The following PSMC3IP variants were observed in gnomAD, a reference collection of about 807,000 sequenced individuals.
PSMC3IP encodes the protein homologous-pairing protein 2 homolog.
In PSMC3IP, 26 loss-of-function variants were observed where a neutral mutation model predicts 34.9. The ratio of observed to expected loss-of-function variants is 0.74; its 90% CI spans 0.55 to 1.03. The LOEUF (loss-of-function observed/expected upper bound fraction) is 1.03. Ranked by LOEUF, PSMC3IP falls within the 50% of genes least tolerant of loss-of-function variation. The pLI, the probability that PSMC3IP is intolerant of heterozygous loss-of-function variation, is 0.00. For synonymous variants in PSMC3IP, 87 were observed against 96.5 expected, an observed-to-expected ratio of 0.90 and a Z score of 0.57; for missense variants, 250 against 263.1, an observed-to-expected ratio of 0.95 and a Z score of 0.34.
intron 4 of PSMC3IP, 182 bp from the exon 5 acceptor site, chr17:42,573,805 G>C: frequency 6.6e-7 from 1 of 1,525,678 alleles, no homozygotes. Context: ...AGTGGCGTGG[G>C]TGTGAGGTTG....
At chr17:42,576,211 C>T (rs878291) in intron 3 of PSMC3IP, among the ~76,000 whole-genome samples, 79,581 of 151,994 alleles carry the variant, frequency 0.52, 20,938 homozygotes, top group South Asian at 0.64. Context: ...GTAAAACACA[C>T]CAGAATTATC....
Position 42,573,099 on chromosome 17 carries a change from C to T in PSMC3IP, c.597+8G>A. 1 of 1,614,212 alleles carries T rather than the reference C, an allele frequency of 6.2e-7. No individual in the cohort carries two copies. Among genetic ancestry groups the T allele is most frequent in the Non-Finnish European group, 8.5e-7 (1 of 1,180,012 alleles). On this transcript the variant is annotated splice_region_variant and intron_variant, in intron 7 of 7. Coordinates refer to ENST00000393795, the MANE Select transcript of PSMC3IP (RefSeq NM_016556.4). ...AGGGAAGCAAAGAAGGAAGAGAGCT[C>T]CACTTACAAAGAACTGCTTCTTGCT...
intron 3 of PSMC3IP, 134 bp downstream of exon 3, chr17:42,577,079 C>T (rs1408785249): frequency 2.6e-6 from 4 of 1,544,436 alleles, no homozygotes; most frequent in Admixed American, 2.0e-5. Flanking sequence ...GGAGTACACA[C>T]CTTGATTTAA....
rs1490667501 is a variant in PSMC3IP, at chr17:42,573,096, G to A, written c.597+11C>T. ...CACAGGGAAGCAAAGAAGGAAGAGA[G>A]CTCCACTTACAAAGAACTGCTTCTT... On this transcript the variant is annotated intron_variant, in intron 7 of 7. Transcript: ENST00000393795. 2.5e-6 allele frequency: 4 copies of A among 1,614,094 alleles called. No homozygotes were observed. The highest frequency in any genetic ancestry group is 2.2e-5 in the East Asian group (1 of 44,900).
At chr17:42,575,296 G>A (rs947247609) in intron 3 of PSMC3IP, among the ~76,000 whole-genome samples, 3 of 152,178 alleles carry the variant, frequency 2.0e-5, no homozygotes, top group Non-Finnish European at 4.4e-5. Flanking sequence ...CCTGCCAGAT[G>A]CATGTTTTTG....
chr17:42,575,201 G>A (rs964876327), intron 3 of PSMC3IP, among the ~76,000 whole-genome samples: 1 of 152,184 alleles, frequency 6.6e-6, no homozygotes, highest in Non-Finnish European at 1.5e-5. Context: ...GAAAAAGTAT[G>A]CCAGCCAGTG....
At chr17:42,577,752 GGC>G, upstream of PSMC3IP, 1 of 1,593,644 alleles carries the variant, frequency 6.3e-7, no homozygotes, top group East Asian at 2.2e-5. Context: ...GGCTCCTTCC[GGC>G]GACGGGGGCG....
At chr17:42,574,030 T>C (rs1229312276) in intron 4 of PSMC3IP, 69 bp downstream of exon 4, 4 of 1,594,962 alleles carry the variant, frequency 2.5e-6, no homozygotes, top group Admixed American at 3.5e-5. Flanking sequence ...GAACCATTCA[T>C]TTAGTAATTC....
chr17:42,573,620 A>G lies in PSMC3IP; in HGVS notation c.341T>C (p.Leu114Pro), dbSNP rs1174111115. ...QQSCRYMEAE[L>P]KELSSALTTP... ...GGTCAGGGCACTAGATAATTCCTTGAGCTCTGAAACCACATCCGCCTGGGG... is the reference window on the plus strand; with the variant it reads ...GGTCAGGGCACTAGATAATTCCTTGGGCTCTGAAACCACATCCGCCTGGGG... The change falls in exon 5 of 8, where the codon CTC (leucine) becomes CCC (proline). Residue 114 changes from leucine (L) to proline (P), a missense_variant. By Grantham distance (98) the Leu-to-Pro change is moderately conservative. Transcript: ENST00000393795. 6.2e-7 allele frequency: 1 copy of G among 1,614,032 alleles called. No individual in the cohort carries two copies. The highest frequency in any genetic ancestry group is 1.1e-5 in the South Asian group (1 of 91,084).
intron 3 of PSMC3IP, among the ~76,000 whole-genome samples, chr17:42,575,853 CAA>C (rs971478774): frequency 1.0e-3 from 104 of 100,416 alleles, no homozygotes; most frequent in Non-Finnish European, 2.8e-4. Flanking sequence ...CTAAAAATAC[CAA>C]AAAAAAAAAA....
rs762489859 is a variant in PSMC3IP, at chr17:42,573,339, C to G, written c.509G>C (p.Cys170Ser). Residue 170 changes from cysteine (C) to serine (S), a missense_variant, in exon 6 of 8, where the codon TGT becomes TCT. Cys to Ser is a moderately radical substitution (Grantham distance 112). Transcript: ENST00000393795. ...EQVYRERQKY[C>S]KEWRKRKRMA... ...CCTCTTCCTCTTCCTCCACTCCTTA[C>G]AGTACTTCTGCCTCTCTCTGTACAC... 2 of 1,614,158 alleles carry G rather than the reference C, an allele frequency of 1.2e-6. No individual in the cohort carries two copies. The highest frequency in any genetic ancestry group is 1.1e-5 in the South Asian group (1 of 91,084).
intron 4 of PSMC3IP, chr17:42,573,868 G>A (rs995593345): frequency 8.5e-6 from 13 of 1,531,812 alleles, no homozygotes; most frequent in Non-Finnish European, 1.1e-5. Flanking sequence ...GGGAAACGTG[G>A]GGACAGTGTA....
At chr17:42,575,862 A>G (rs1034338863) in intron 3 of PSMC3IP, among the ~76,000 whole-genome samples, 12 of 151,442 alleles carry the variant, frequency 7.9e-5, no homozygotes, top group Admixed American at 5.9e-4. Flanking sequence ...CCAAAAAAAA[A>G]AAAAAAAAAA....
In PSMC3IP at chr17:42,576,347, G is replaced by T. The variant is rs2093075525; in HGVS notation, c.225+866C>A. Among the ~76,000 whole-genome samples, 3 of 152,332 alleles carry T rather than the reference G, an allele frequency of 2.0e-5. No homozygotes were observed. In the East Asian group the frequency reaches 5.8e-4, roughly 29 times the overall value. The stretch of plus-strand genomic sequence containing the variant: ...CATTGAAGAGTTTTAAATAGGGAAG[G>T]TGCATGACCAGATCTATTTAGACAG... On this transcript the variant is annotated intron_variant, in intron 3 of 7. Coordinates refer to ENST00000393795, the MANE Select transcript of PSMC3IP (RefSeq NM_016556.4).
At chr17:42,575,320 A>G (rs2093068720) in intron 3 of PSMC3IP, among the ~76,000 whole-genome samples, 1 of 152,200 alleles carries the variant, frequency 6.6e-6, no homozygotes. Context: ...ACAAAATTTT[A>G]TTGAAACAGC....
chr17:42,573,811 G>C lies in PSMC3IP; in HGVS notation c.338-188C>G, dbSNP rs535152634. Reference sequence around the variant, plus strand: ...CCATCTACAAGTGGCGTGGGTGTGAGGTTGAACACTTACTTAGGCGTAGCC... The same window carrying C: ...CCATCTACAAGTGGCGTGGGTGTGACGTTGAACACTTACTTAGGCGTAGCC... On this transcript the variant is annotated intron_variant, in intron 4 of 7. Coordinates refer to ENST00000393795, the MANE Select transcript of PSMC3IP (RefSeq NM_016556.4). The C allele has an allele frequency of 3.3e-6, 5 of 1,528,498 alleles. No homozygotes were observed. In the East Asian group the frequency reaches 1.2e-4, roughly 37 times the overall value. The allele number at this position is 1,528,498 out of a possible 1,614,324, so 94.7% of individuals were successfully genotyped here.
Position 42,577,581 on chromosome 17 carries a change from G to A in PSMC3IP, c.35-20C>T, listed in dbSNP as rs781559982. 3.1e-6 allele frequency: 5 copies of A among 1,614,146 alleles called. No individual in the cohort carries two copies. In the South Asian group the frequency reaches 5.5e-5, roughly 18 times the overall value. On this transcript the variant is annotated intron_variant, in intron 1 of 7. Coordinates refer to ENST00000393795, the MANE Select transcript of PSMC3IP (RefSeq NM_016556.4). ...CGGCGGCTACGGAGAGAAAGGCAGGGGAGGGGGCCACTCAACCGACCTCCT... is the reference window on the plus strand; with the variant it reads ...CGGCGGCTACGGAGAGAAAGGCAGGAGAGGGGGCCACTCAACCGACCTCCT...
rs1302872958 is a variant in PSMC3IP, at chr17:42,572,504, G to T, written c.*464C>A. 4 of 454,124 alleles carry T rather than the reference G, an allele frequency of 8.8e-6. No individual in the cohort carries two copies. Among genetic ancestry groups the T allele is most frequent in the East Asian group, 1.4e-4 (2 of 14,522 alleles). 28.1% of individuals were successfully genotyped at this position (454,124 alleles called of 1,614,324 possible). A position where few individuals can be genotyped will look rare whatever the true frequency, so the allele number is the denominator to read the frequency against. On this transcript the variant is annotated 3_prime_UTR_variant, in exon 8 of 8. Transcript: ENST00000393795. ...AAGCGTACAAAAGATACTTAAAAGG[G>T]CTCCTGGGGTACACAAGCCCAGCAG...
intron 3 of PSMC3IP, among the ~76,000 whole-genome samples, chr17:42,574,770 T>C (rs2093064116): frequency 7.8e-6 from 1 of 127,530 alleles, no homozygotes; most frequent in African/African-American, 2.6e-5. Context: ...CCTTCCCTCT[T>C]TTCCTCTCTT....
Sources: allele counts gnomAD v4.1 joint callset (sites outside exome capture counted in the v4.1 genomes callset), GRCh38; gene constraint gnomAD v4.1.1; transcripts MANE v1.5; gene names NCBI Gene and HGNC (gene_info 2026-07-23, HGNC 2026-07-21).